The following ENDOU variants were observed in gnomAD, a reference collection of about 807,000 sequenced individuals.
ENDOU encodes the protein uridylate-specific endoribonuclease.
In ENDOU, 49 loss-of-function variants were observed where a neutral mutation model predicts 54.2. The ratio of observed to expected loss-of-function variants is 0.90; its 90% confidence interval spans 0.72 to 1.15. The LOEUF is 1.15. Ranked by LOEUF, ENDOU falls within the 50% of genes most tolerant of loss-of-function variation. ENDOU has a pLI of 0.00. For synonymous variants in ENDOU, 172 were observed against 190.5 expected (o/e 0.90, Z 0.80); for missense variants, 458 against 511.4 (o/e 0.90, Z 1.01).
intron 1 of ENDOU, 102 bp from the exon 2 acceptor site, chr12:47,720,977 G>T (rs1424077783): frequency 1.8e-6 from 2 of 1,112,464 alleles, no homozygotes; most frequent in Non-Finnish European, 2.6e-6. Flanking sequence ...AGTGTACCTG[G>T]CAGGGAAGGG....
intron 2 of ENDOU, chr12:47,720,528 G>C (rs922573507): frequency 2.5e-6 from 1 of 397,210 alleles, no homozygotes; most frequent in Non-Finnish European, 4.4e-6. Flanking sequence ...ATTTCAGACA[G>C]AAATTCTAGG....
chr12:47,725,206 C>G (rs1940547335), intron 1 of ENDOU, among the ~76,000 whole-genome samples, 153 bp downstream of exon 1: 1 of 152,236 alleles, frequency 6.6e-6, no homozygotes. Context: ...CACCCTCAGA[C>G]AAGGACAACC....
intron 1 of ENDOU, 130 bp from the exon 2 acceptor site, chr12:47,721,005 G>A (rs999003466): frequency 1.1e-4 from 93 of 829,776 alleles, no homozygotes; most frequent in Non-Finnish European, 1.5e-4. Context: ...CTCTGCAAAG[G>A]AGAAGTACAT....
Position 47,711,722 on chromosome 12 carries a change from A to G in ENDOU, c.1026T>C (p.Tyr342=). ...LAMQFNWDGY[Y]KEVGSAFIGS... ...CGATGAAAGCAGAGCCCACTTCCTTATAGTAGCCGTCCCAGTTGAACTGCA... is the reference window on the plus strand; with the variant it reads ...CGATGAAAGCAGAGCCCACTTCCTTGTAGTAGCCGTCCCAGTTGAACTGCA... The change falls in exon 9 of 10, where the codon TAT becomes TAC. Residue 342 remains tyrosine (Y), a synonymous_variant. Coordinates refer to ENST00000422538, the MANE Select transcript of ENDOU (RefSeq NM_001172439.2). The G allele has an allele frequency of 6.2e-7, 1 of 1,614,224 alleles. No individual in the cohort carries two copies. Among genetic ancestry groups the G allele is most frequent in the Non-Finnish European group, 8.5e-7 (1 of 1,180,040 alleles).
Position 47,713,018 on chromosome 12 carries a change from T to C in ENDOU, c.865+257A>G, listed in dbSNP as rs181378257. Reference sequence around the variant, plus strand: ...AACTTGCTCCCAGACACATGTCTTGTCCTAGATGTACCCCCTTGGGAGCCC... The same window carrying C: ...AACTTGCTCCCAGACACATGTCTTGCCCTAGATGTACCCCCTTGGGAGCCC... On this transcript the variant is annotated intron_variant, in intron 7 of 9. Transcript: ENST00000422538. Among the ~76,000 whole-genome samples, 5 of 152,226 alleles carry C rather than the reference T, an allele frequency of 3.3e-5. No homozygotes were observed. The East Asian group carries it at 9.7e-4, about 29-fold the overall frequency.
chr12:47,717,369 T>C, intron 4 of ENDOU, 149 bp downstream of exon 4: 1 of 891,532 alleles, frequency 1.1e-6, no homozygotes, highest in South Asian at 1.7e-5. Context: ...GAGTTTCTAA[T>C]TAAGTAGGCC....
At chr12:47,714,160 T>G (rs1484151053) in intron 6 of ENDOU, among the ~76,000 whole-genome samples, 2 of 152,278 alleles carry the variant, frequency 1.3e-5, no homozygotes, top group Non-Finnish European at 2.9e-5. Flanking sequence ...AGCTTGGTAC[T>G]AATTATCCCC....
chr12:47,725,345 A>T lies in ENDOU; in HGVS notation c.55+14T>A, dbSNP rs1045994697. On this transcript the variant is annotated intron_variant, in intron 1 of 9. Coordinates refer to ENST00000422538, the MANE Select transcript of ENDOU (RefSeq NM_001172439.2). ...CCCCACCAGCAATCCCATGCCCGCC[A>T]GATAGTGACTTACCAGCCCAGGCCA... The T allele has an allele frequency of 6.2e-7, 1 of 1,614,018 alleles. No individual in the cohort carries two copies.
In ENDOU at chr12:47,710,148, G is replaced by A; in HGVS notation, c.*654C>T. 6.6e-6 allele frequency: 1 copy of A among 152,312 alleles called. No homozygotes were observed. The highest frequency in any genetic ancestry group is 1.5e-5 in the Non-Finnish European group (1 of 68,098). The allele number at this position is 152,312 out of a possible 1,614,324, so 9.4% of individuals were successfully genotyped here. A position where few individuals can be genotyped will look rare whatever the true frequency, so the allele number is the denominator to read the frequency against. On this transcript the variant is annotated 3_prime_UTR_variant, in exon 10 of 10. Transcript: ENST00000422538. ...CCACCCCACCCCCAGCCCATTCACT[G>A]CACCAACCTATTACCCTTCTCCATT...
In ENDOU at chr12:47,710,630, A is replaced by C; in HGVS notation, c.*172T>G. On this transcript the variant is annotated 3_prime_UTR_variant, in exon 10 of 10. Transcript: ENST00000422538. ...TTGACTGTTTATCCACATTTTTCTA[A>C]TTTGTACATTTTATCTCTTTCCCAT... The C allele has an allele frequency of 1.7e-6, 1 of 595,830 alleles. No homozygotes were observed. Among genetic ancestry groups the C allele is most frequent in the Non-Finnish European group, 3.0e-6 (1 of 328,088 alleles). The allele number at this position is 595,830 out of a possible 1,614,324, so 36.9% of individuals were successfully genotyped here. A position where few individuals can be genotyped will look rare whatever the true frequency, so the allele number is the denominator to read the frequency against.
At chr12:47,710,991 A>G in intron 9 of ENDOU, 72 bp from the exon 10 acceptor site, 2 of 1,002,500 alleles carry the variant, frequency 2.0e-6, no homozygotes, top group South Asian at 3.0e-5. Context: ...GGAAGGATCA[A>G]GCCCAACTGA....
chr12:47,717,399 T>G (rs1940286370), intron 4 of ENDOU, 119 bp downstream of exon 4: 1 of 1,142,982 alleles, frequency 8.7e-7, no homozygotes, highest in Non-Finnish European at 1.3e-6. Context: ...GCCCCAGAGT[T>G]TGTGTTTCTA....
chr12:47,712,519 C>A lies in ENDOU; in HGVS notation c.969G>T (p.Gly323=). ...CTTTTCTAGTCCGTGTACTCACAGGCCCATCGTAGATGTGACTGTAATAGT... is the reference window on the plus strand; with the variant it reads ...CTTTTCTAGTCCGTGTACTCACAGGACCATCGTAGATGTGACTGTAATAGT... ...LVDYYSHIYD[G]PWDSYPDVLA... is the part of the protein sequence containing the mutation. The change falls in exon 8 of 10, where the codon GGG becomes GGT. Residue 323 remains glycine (G), a synonymous_variant. Transcript: ENST00000422538. 4 of 1,610,180 alleles carry A rather than the reference C, an allele frequency of 2.5e-6. No homozygotes were observed. The highest frequency in any genetic ancestry group is 3.4e-6 in the Non-Finnish European group (4 of 1,176,434).
Position 47,710,571 on chromosome 12 carries a change from A to G in ENDOU, c.*231T>C. On this transcript the variant is annotated 3_prime_UTR_variant, in exon 10 of 10. Transcript: ENST00000422538. ...CTTCTCTGCTTGGACTCTGTTTCTT[A>G]GTCAACATTGCCAAAATTCTAGAGG... 1 of 458,438 alleles carries G rather than the reference A, an allele frequency of 2.2e-6. No individual in the cohort carries two copies. The highest frequency in any genetic ancestry group is 4.0e-6 in the Non-Finnish European group (1 of 247,952). The allele number at this position is 458,438 out of a possible 1,614,324, so 28.4% of individuals were successfully genotyped here. A position where few individuals can be genotyped will look rare whatever the true frequency, so the allele number is the denominator to read the frequency against.
chr12:47,715,197 T>C (rs1940184003), intron 6 of ENDOU, among the ~76,000 whole-genome samples: 1 of 152,158 alleles, frequency 6.6e-6, no homozygotes, highest in African/African-American at 2.4e-5. Flanking sequence ...AAAGCCAGAG[T>C]GAGCTGGGGC....
Position 47,710,785 on chromosome 12 carries a change from T to C in ENDOU, c.*17A>G. 5 of 1,578,134 alleles carry C rather than the reference T, an allele frequency of 3.2e-6. No homozygotes were observed. Among genetic ancestry groups the C allele is most frequent in the Non-Finnish European group, 4.4e-6 (5 of 1,147,204 alleles). On this transcript the variant is annotated 3_prime_UTR_variant, in exon 10 of 10. Coordinates refer to ENST00000422538, the MANE Select transcript of ENDOU (RefSeq NM_001172439.2). ...TCTCGCAAGAGCCCTCATGCCCCTT[T>C]CTGGCTCGAAGTTCTATTAGGTGGA...
At position 47,717,671 on chromosome 12, in the gene ENDOU, TGGTGTGTCCC is replaced by T. The variant is rs750981067; in HGVS notation, c.245-26_245-17del. The T allele has an allele frequency of 6.2e-7, 1 of 1,613,066 alleles. No individual in the cohort carries two copies. Among genetic ancestry groups the T allele is most frequent in the Admixed American group, 1.7e-5 (1 of 59,940 alleles). ...GAGTACAAGTCTGAGAAGAGAGGGGTGGTGTGTCCCGGGCTGACCTCTAGAGGTCGCTCTG... is the reference window on the plus strand; with the variant it reads ...GAGTACAAGTCTGAGAAGAGAGGGGTGGGCTGACCTCTAGAGGTCGCTCTG... On this transcript the variant is annotated splice_polypyrimidine_tract_variant and intron_variant, in intron 3 of 9. Coordinates refer to ENST00000422538, the MANE Select transcript of ENDOU (RefSeq NM_001172439.2).
At chr12:47,724,454 T>C (rs1188498955) in intron 1 of ENDOU, among the ~76,000 whole-genome samples, 1 of 152,230 alleles carries the variant, frequency 6.6e-6, no homozygotes, top group African/African-American at 2.4e-5. Context: ...AGAAAATTTA[T>C]AGTCATAATC....
chr12:47,714,660 G>A lies in ENDOU; in HGVS notation c.752-1272C>T, dbSNP rs369201311. Among the ~76,000 whole-genome samples, 22 of 152,346 alleles carry A rather than the reference G, an allele frequency of 1.4e-4. No individual in the cohort carries two copies. The East Asian group carries it at 2.1e-3, about 15-fold the overall frequency. The stretch of plus-strand genomic sequence containing the variant: ...CTGAGCAACCGGATGGGTTATGCCC[G>A]CCATTTATGAAATGGGGAAGACCCA... On this transcript the variant is annotated intron_variant, in intron 6 of 9. Coordinates refer to ENST00000422538, the MANE Select transcript of ENDOU (RefSeq NM_001172439.2).
Sources: gnomAD v4.1 joint callset for allele counts (sites outside exome capture counted in the v4.1 genomes callset) on GRCh38, gnomAD v4.1.1 for gene constraint, MANE v1.5 for transcripts, NCBI Gene and HGNC (gene_info 2026-07-23, HGNC 2026-07-21) for gene names.